The following HIVEP3 variants were observed in gnomAD, a reference collection of about 807,000 sequenced individuals.
The protein encoded by HIVEP3 is HIVEP zinc finger 3, also known as transcription factor HIVEP3.
HIVEP3 carries 49 observed loss-of-function variants against 152.8 expected under a neutral mutation model. That is an observed-to-expected ratio of 0.32 (90% confidence interval 0.26 to 0.41). HIVEP3 has a LOEUF of 0.41. Ranked by LOEUF, HIVEP3 falls within the 10% of genes least tolerant of loss-of-function variation. The pLI, the probability that HIVEP3 is intolerant of heterozygous loss-of-function variation, is 1.00. For synonymous variants in HIVEP3, 1,269 were observed against 1,289.0 expected (o/e 0.98, Z 0.33); for missense variants, 2,790 against 3,103.3 (o/e 0.90, Z 2.40).
chr1:41,778,875 A>C (rs984480857), intron 1 of HIVEP3, among the ~76,000 whole-genome samples: 1 of 152,166 alleles, frequency 6.6e-6, no homozygotes, highest in Non-Finnish European at 1.5e-5. Context: ...TGGAAGAAGG[A>C]GATATCTGGG....
chr1:41,611,790 C>T (rs540978033), intron 3 of HIVEP3, among the ~76,000 whole-genome samples: 32 of 152,304 alleles, frequency 2.1e-4, no homozygotes, highest in African/African-American at 4.8e-4. Context: ...GATTCCATAT[C>T]GGAAAAATAT....
chr1:41,841,552 C>A (rs1643288876), intron 1 of HIVEP3, among the ~76,000 whole-genome samples: 1 of 152,184 alleles, frequency 6.6e-6, no homozygotes, highest in Non-Finnish European at 1.5e-5. Context: ...CCTTCTCCTG[C>A]CACTTTAAAA....
intron 5 of HIVEP3, among the ~76,000 whole-genome samples, chr1:41,561,365 C>T (rs1644059453): frequency 1.3e-5 from 2 of 152,218 alleles, no homozygotes; most frequent in South Asian, 4.1e-4. Flanking sequence ...GCTCACACCA[C>T]ATGACCTCCC....
chr1:41,659,082 C>G (rs1415691363), intron 2 of HIVEP3, among the ~76,000 whole-genome samples: 1 of 152,192 alleles, frequency 6.6e-6, no homozygotes, highest in Non-Finnish European at 1.5e-5. Context: ...AGCAGTTACC[C>G]CCTCCAAAGG....
intron 1 of HIVEP3, among the ~76,000 whole-genome samples, chr1:41,834,521 A>G (rs984849881): frequency 2.6e-5 from 4 of 152,234 alleles, no homozygotes; most frequent in African/African-American, 9.6e-5. Flanking sequence ...CAGGCAGAAC[A>G]CTATAGCTGT....
intron 1 of HIVEP3, among the ~76,000 whole-genome samples, chr1:41,840,094 G>A (rs956717625): frequency 3.3e-5 from 5 of 152,074 alleles, no homozygotes; most frequent in African/African-American, 9.7e-5. Context: ...CCTGGCTCTC[G>A]TCGCGCCTCC....
At chr1:41,963,287 G>C (rs984946636) in intron 1 of HIVEP3, among the ~76,000 whole-genome samples, 4 of 151,966 alleles carry the variant, frequency 2.6e-5, no homozygotes, top group Non-Finnish European at 4.4e-5. Context: ...CTGGGATTAC[G>C]GGCGTGAGCC....
intron 1 of HIVEP3, among the ~76,000 whole-genome samples, chr1:41,717,348 A>T (rs1646610586): frequency 6.6e-6 from 1 of 152,242 alleles, no homozygotes; most frequent in Admixed American, 6.5e-5. Context: ...GTCCTCTTGG[A>T]ACTTAAATTC....
At chr1:41,591,777 T>C (rs1644591766) in intron 3 of HIVEP3, among the ~76,000 whole-genome samples, 1 of 152,056 alleles carries the variant, frequency 6.6e-6, no homozygotes, top group South Asian at 2.1e-4. Flanking sequence ...TACTGCCAAA[T>C]AGAAGAGTCA....
chr1:41,642,949 T>A (rs1570195694), intron 2 of HIVEP3, among the ~76,000 whole-genome samples: 1 of 152,262 alleles, frequency 6.6e-6, no homozygotes, highest in East Asian at 1.9e-4. Context: ...CCAGGAACCA[T>A]CACTGACTTC....
At chr1:41,809,668 G>C (rs910100979) in intron 1 of HIVEP3, among the ~76,000 whole-genome samples, 3 of 152,172 alleles carry the variant, frequency 2.0e-5, no homozygotes, top group Non-Finnish European at 4.4e-5. Context: ...TTAATGAAAA[G>C]AATAAATGCC....
At chr1:41,730,057 A>G (rs1646815065) in intron 1 of HIVEP3, among the ~76,000 whole-genome samples, 1 of 152,166 alleles carries the variant, frequency 6.6e-6, no homozygotes, top group South Asian at 2.1e-4. Context: ...AGCGTGTTTA[A>G]CCTTAGGAAA....
intron 1 of HIVEP3, among the ~76,000 whole-genome samples, chr1:41,781,820 C>T (rs1649063928): frequency 6.6e-6 from 1 of 152,200 alleles, no homozygotes; most frequent in African/African-American, 2.4e-5. Flanking sequence ...ATTTCTTTTG[C>T]TGCCATGTCC....
At chr1:41,565,527 GAC>G (rs56139506) in intron 5 of HIVEP3, among the ~76,000 whole-genome samples, 44,880 of 136,872 alleles carry the variant, frequency 0.33, 7,284 homozygotes, top group Non-Finnish European at 0.43. Flanking sequence ...AAAACTGAAA[GAC>G]ACACACACAC....
chr1:41,756,749 A>T (rs1257843491), intron 1 of HIVEP3, among the ~76,000 whole-genome samples: 1 of 152,346 alleles, frequency 6.6e-6, no homozygotes, highest in East Asian at 1.9e-4. Flanking sequence ...ATGGTTCTTT[A>T]AAAAATAAAA....
chr1:41,516,173 C>CT (rs913865036), intron 7 of HIVEP3, among the ~76,000 whole-genome samples: 11 of 152,146 alleles, frequency 7.2e-5, no homozygotes, highest in Non-Finnish European at 1.2e-4. Flanking sequence ...AGGGAATGCC[C>CT]CTGGCTGGGC....
chr1:41,510,905 G>T lies in HIVEP3; in HGVS notation c.6767C>A (p.Pro2256His). 2 of 1,613,598 alleles carry T rather than the reference G, an allele frequency of 1.2e-6. No individual in the cohort carries two copies. Among genetic ancestry groups the T allele is most frequent in the South Asian group, 2.2e-5 (2 of 91,082 alleles). ...TGTGAATTTGGAGACCTTAGCCACA[G>T]GCGACACGGAGGCTGACGAGCTCTC... ...PTESSSASVS[P>H]VAKVSKFTLS... The change falls in exon 9 of 9, where the codon CCT (proline) becomes CAT (histidine). Residue 2256 changes from proline to histidine, a missense_variant. By Grantham distance (77) the Pro-to-His change is moderately conservative. This residue lies in a region of HIVEP3 where 816 missense variants were observed against 806.5 expected (regional missense o/e 1.01). Transcript: ENST00000372583.
At chr1:41,711,904 G>A (rs1019222370) in intron 1 of HIVEP3, among the ~76,000 whole-genome samples, 23 of 152,230 alleles carry the variant, frequency 1.5e-4, no homozygotes, top group Non-Finnish European at 2.2e-4. Context: ...GGCTCTGGGC[G>A]GTGACCAACC....
chr1:41,703,237 T>C (rs1646388690), intron 1 of HIVEP3, among the ~76,000 whole-genome samples: 1 of 152,210 alleles, frequency 6.6e-6, no homozygotes. Context: ...ACTTTCCAAA[T>C]CCAGGATCAT....
Sources: allele counts gnomAD v4.1 joint callset (sites outside exome capture counted in the v4.1 genomes callset), GRCh38; gene constraint gnomAD v4.1.1; regional missense constraint gnomAD v4.1.1; transcripts MANE v1.5; gene names NCBI Gene and HGNC (gene_info 2026-07-23, HGNC 2026-07-21).